The following EDNRB variants were observed in gnomAD, a reference collection of about 807,000 sequenced individuals.
EDNRB encodes Hirschsprung disease 2.
A neutral mutation model predicts 46.4 loss-of-function variants in EDNRB; 18 were observed. The ratio of observed to expected loss-of-function variants is 0.39; its 90% CI spans 0.27 to 0.57. EDNRB has a LOEUF of 0.57. Ranked by LOEUF, EDNRB falls within the 20% of genes least tolerant of loss-of-function variation. The pLI is 0.61. For synonymous variants in EDNRB, 213 were observed against 204.9 expected (o/e 1.04, Z -0.34); for missense variants, 434 against 537.5 (o/e 0.81, Z 1.90).
At chr13:77,921,027 G>A (rs1594376024), upstream of EDNRB, among the ~76,000 whole-genome samples, 1 of 152,030 alleles carries the variant, frequency 6.6e-6, no homozygotes, top group East Asian at 1.9e-4. Context: ...CCTCACTGAG[G>A]TCTATCTCTT....
chr13:77,910,273 C>T (rs913819393), intron 1 of EDNRB, among the ~76,000 whole-genome samples: 3 of 151,906 alleles, frequency 2.0e-5, no homozygotes, highest in African/African-American at 4.8e-5. Context: ...TTTCTTTAAA[C>T]GACTGGCATT....
chr13:77,973,761 A>C (rs149418066), intron 1 of EDNRB, among the ~76,000 whole-genome samples: 2 of 152,210 alleles, frequency 1.3e-5, no homozygotes, highest in East Asian at 3.9e-4. Context: ...CATTTCTTGC[A>C]TGAATTTCCT....
chr13:77,930,502 A>G, intron 1 of EDNRB, among the ~76,000 whole-genome samples: 1 of 152,200 alleles, frequency 6.6e-6, no homozygotes, highest in Non-Finnish European at 1.5e-5. Context: ...TATGATATGG[A>G]ACCAAAAATT....
At chr13:77,938,229 C>T (rs1387688231) in intron 1 of EDNRB, among the ~76,000 whole-genome samples, 5 of 151,790 alleles carry the variant, frequency 3.3e-5, no homozygotes, top group Admixed American at 2.6e-4. Context: ...GGGAAAGGGT[C>T]CGGGGGTTCT....
In EDNRB at chr13:77,918,588, CAG is replaced by C; in HGVS notation, c.-17_-16del. On this transcript the variant is annotated 5_prime_UTR_variant, in exon 1 of 7. Transcript: ENST00000646607. The surrounding 1 kb of genome is among the most constrained non-coding windows in gnomAD (Gnocchi z 4.5). The stretch of plus-strand genomic sequence containing the variant: ...GGCGGCTGCATGCTGCTACCTGCTC[CAG>C]AAGGCGTCCGGTGGCCGCTCCGCAG... The C allele has an allele frequency of 6.3e-7, 1 of 1,581,812 alleles. No individual in the cohort carries two copies. Among genetic ancestry groups the C allele is most frequent in the Non-Finnish European group, 8.5e-7 (1 of 1,170,996 alleles).
At chr13:77,899,515 C>A (rs1219033884) in intron 6 of EDNRB, 2 of 210,204 alleles carry the variant, frequency 9.5e-6, no homozygotes, top group Non-Finnish European at 1.9e-5. Flanking sequence ...CAGAATCTAC[C>A]AAAAACAGGG....
rs6145134 is a variant in EDNRB, at chr13:77,940,700, G to GGTGTGTGTGT, written c.-51-22086_-51-22077dup. ...TCAAAGCCAAGGAAAAGATGAATTGGGTGTGTGTGTGTGTGTGTGTGTGTG... is the reference window on the plus strand; with the variant it reads ...TCAAAGCCAAGGAAAAGATGAATTGGGTGTGTGTGTGTGTGTGTGTGTGTGTGTGTGTGTG... On this transcript the variant is annotated intron_variant, in intron 1 of 7. Transcript: ENST00000646948. 7.4e-3 allele frequency among the ~76,000 whole-genome samples: 1,109 copies of GGTGTGTGTGT among 149,154 alleles called. 10 individuals are homozygous for GGTGTGTGTGT. The highest frequency in any genetic ancestry group is 0.026 in the African/African-American group (1,058 of 40,456).
intron 1 of EDNRB, among the ~76,000 whole-genome samples, chr13:77,928,702 A>T (rs536271192): frequency 1.3e-5 from 2 of 152,184 alleles, no homozygotes; most frequent in Admixed American, 1.3e-4. Context: ...TGAAGTCAAG[A>T]GAAGATCAAG....
chr13:77,899,846 G>C lies in EDNRB; in HGVS notation c.1194+13C>G. 3.8e-6 allele frequency: 6 copies of C among 1,596,646 alleles called. No homozygotes were observed. Among genetic ancestry groups the C allele is most frequent in the Non-Finnish European group, 5.1e-6 (6 of 1,165,554 alleles). ...TATTACAAAGAGCTTTTTATTTTGG[G>C]ATAGTCTCTTACCTTAAAGCAGTTT... is the stretch of plus-strand genomic sequence containing the variant. On this transcript the variant is annotated intron_variant, in intron 6 of 6. Coordinates refer to ENST00000646607, the MANE Select transcript of EDNRB (RefSeq NM_001122659.3).
At chr13:77,939,667 A>G (rs1438463438) in intron 1 of EDNRB, 1 of 152,186 alleles carries the variant, frequency 6.6e-6, no homozygotes, top group Non-Finnish European at 1.5e-5. Flanking sequence ...TCTTTCCTAG[A>G]TGTTTTTTAT....
chr13:77,911,827 T>A (rs1437801244), intron 1 of EDNRB, among the ~76,000 whole-genome samples: 2 of 152,100 alleles, frequency 1.3e-5, no homozygotes, highest in African/African-American at 4.8e-5. Context: ...GGCTAAGGTA[T>A]ACCCACACAC....
chr13:77,948,611 G>C (rs1021411588), intron 1 of EDNRB, among the ~76,000 whole-genome samples: 3 of 152,192 alleles, frequency 2.0e-5, no homozygotes, highest in Non-Finnish European at 4.4e-5. Flanking sequence ...TGAAATGGGA[G>C]CTTATCAAGG....
At chr13:77,917,713 A>C (rs1879880348) in intron 1 of EDNRB, among the ~76,000 whole-genome samples, 1 of 152,164 alleles carries the variant, frequency 6.6e-6, no homozygotes, top group East Asian at 1.9e-4. Context: ...TAATCACATA[A>C]AGGGCTTGTT....
intron 1 of EDNRB, among the ~76,000 whole-genome samples, chr13:77,930,981 A>G (rs550042600): frequency 6.6e-6 from 1 of 152,274 alleles, no homozygotes; most frequent in Non-Finnish European, 1.5e-5. Context: ...ATAGGCCTAT[A>G]TTTAACAGCA....
intron 1 of EDNRB, among the ~76,000 whole-genome samples, chr13:77,946,530 G>A (rs1880922886): frequency 6.6e-6 from 1 of 151,988 alleles, no homozygotes; most frequent in South Asian, 2.1e-4. Flanking sequence ...TCTGATTTGT[G>A]GCTGAGCTCA....
intron 1 of EDNRB, among the ~76,000 whole-genome samples, chr13:77,958,035 A>C (rs756630672): frequency 6.6e-6 from 1 of 152,250 alleles, no homozygotes; most frequent in African/African-American, 2.4e-5. Context: ...AAGTTATTCC[A>C]TTGACTAGAG....
chr13:77,965,177 A>C (rs1224883376), intron 1 of EDNRB, among the ~76,000 whole-genome samples: 2 of 152,224 alleles, frequency 1.3e-5, no homozygotes, highest in African/African-American at 4.8e-5. Context: ...TGAATTATCA[A>C]TAGACAACTC....
At chr13:77,966,758 AT>A (rs1881594721) in intron 1 of EDNRB, among the ~76,000 whole-genome samples, 1 of 152,092 alleles carries the variant, frequency 6.6e-6, no homozygotes, top group African/African-American at 2.4e-5. Flanking sequence ...AGAAGTAAAA[AT>A]TTTTTTATCT....
intron 1 of EDNRB, among the ~76,000 whole-genome samples, chr13:77,938,620 AC>A (rs1166851791): frequency 6.6e-6 from 1 of 152,206 alleles, no homozygotes; most frequent in Admixed American, 6.5e-5. Context: ...CAATGATTAA[AC>A]ACCAAGGGAA....
Sources: gnomAD v4.1 joint callset for allele counts (sites outside exome capture counted in the v4.1 genomes callset) on GRCh38, gnomAD v4.1.1 for gene constraint, Gnocchi (gnomAD v3.1) non-coding constraint, MANE v1.5 for transcripts, NCBI Gene and HGNC (gene_info 2026-07-23, HGNC 2026-07-21) for gene names.